Variants in NELFA observed in about 807,000 individuals in gnomAD.
NELFA encodes negative elongation factor A.
Under a neutral mutation model 51.8 loss-of-function variants are expected in NELFA, and 35 were observed. That is an observed-to-expected ratio of 0.68 (90% CI 0.52 to 0.90). NELFA has a LOEUF of 0.90. NELFA is among the 40% of genes least tolerant of loss of function. The pLI is 0.00. For synonymous variants in NELFA, 417 were observed against 338.4 expected (o/e 1.23, Z -2.55); for missense variants, 658 against 746.4 (o/e 0.88, Z 1.38).
At chr4:1,992,534 G>C (rs933991290) in intron 1 of NELFA, 1 of 386,702 alleles carries the variant, frequency 2.6e-6, no homozygotes, top group Non-Finnish European at 5.3e-6. Flanking sequence ...CTCACAGTGT[G>C]AGACAGCTGG....
At position 2,008,800 on chromosome 4, in the gene NELFA, G is replaced by C. The variant is rs1728785213; in HGVS notation, c.160C>G (p.Leu54Val). The C allele has an allele frequency of 1.2e-6, 2 of 1,612,854 alleles. No homozygotes were observed. The highest frequency in any genetic ancestry group is 1.7e-6 in the Non-Finnish European group (2 of 1,179,632). The change falls in exon 1 of 11, where the codon CTC (leucine) becomes GTC (valine). Residue 54 changes from leucine (L) to valine (V), a missense_variant. By Grantham distance (32) the Leu-to-Val change is conservative. This residue lies in a region of NELFA where 371 missense variants were observed against 448.3 expected (regional missense o/e 0.83). Transcript: ENST00000382882. ...TGCAGCGTCCCGAGTAGCAACTTGAGCTTCACTGCCGACGAGAGGCCATGG... is the reference window on the plus strand; with the variant it reads ...TGCAGCGTCCCGAGTAGCAACTTGACCTTCACTGCCGACGAGAGGCCATGG... ...CFHGLSSAVKLKLLLGTLHLP... is the reference protein window; with the variant it reads ...CFHGLSSAVKVKLLLGTLHLP...
In NELFA at chr4:1,986,421, C is replaced by A; in HGVS notation, c.635-19G>T. 1 of 1,612,578 alleles carries A rather than the reference C, an allele frequency of 6.2e-7. No homozygotes were observed. Among genetic ancestry groups the A allele is most frequent in the Non-Finnish European group, 8.5e-7 (1 of 1,179,668 alleles). ...AGTGGGGCTGGAGGACGGCAACAGT[C>A]AGGGCGCCAGCAGCAGTGACCGGCA... On this transcript the variant is annotated intron_variant, in intron 4 of 10. Transcript: ENST00000382882.
chr4:1,991,889 C>T, intron 1 of NELFA, 174 bp from the exon 2 acceptor site: 1 of 638,564 alleles, frequency 1.6e-6, no homozygotes, highest in Non-Finnish European at 2.6e-6. Context: ...CCAGGGCCAC[C>T]TTGCTTCCCT....
At chr4:2,008,705 G>A in intron 1 of NELFA, 45 bp downstream of exon 1, 2 of 1,565,366 alleles carry the variant, frequency 1.3e-6, no homozygotes, top group South Asian at 1.2e-5. Flanking sequence ...TCGGAGGTGG[G>A]AAGGTTGGGA....
intron 1 of NELFA, among the ~76,000 whole-genome samples, chr4:2,002,186 C>T (rs928335176): frequency 2.0e-5 from 3 of 151,634 alleles, no homozygotes; most frequent in African/African-American, 7.3e-5. Context: ...GGCGACAAAG[C>T]GAGACTCCAT....
At chr4:1,986,614 A>C in intron 4 of NELFA, 2 of 644,110 alleles carry the variant, frequency 3.1e-6, no homozygotes, top group Non-Finnish European at 2.6e-6. Context: ...AAGACACCAA[A>C]CAAAGACAGC....
chr4:1,995,905 G>A (rs1224116899), intron 1 of NELFA, among the ~76,000 whole-genome samples: 1 of 147,724 alleles, frequency 6.8e-6, no homozygotes, highest in Non-Finnish European at 1.5e-5. Flanking sequence ...AAACCAAGCT[G>A]CACGTGCCTG....
chr4:1,990,634 T>C, intron 2 of NELFA: 1 of 404,596 alleles, frequency 2.5e-6, no homozygotes, highest in South Asian at 1.8e-5. Context: ...GCAGCCTCGA[T>C]GTCTCCATCC....
chr4:1,990,127 C>A, intron 2 of NELFA: 1 of 525,636 alleles, frequency 1.9e-6, no homozygotes, highest in Non-Finnish European at 3.4e-6. Context: ...ACCGCGGACA[C>A]CAAGAACCAC....
Position 1,982,902 on chromosome 4 carries a change from G to A in NELFA, c.*417C>T, listed in dbSNP as rs915314791. On this transcript the variant is annotated 3_prime_UTR_variant, in exon 11 of 11. Transcript: ENST00000382882. ...TCTGGTGTGGTCGGGTGTCCCTGCC[G>A]CACCCCCAGTACCACCGTGCCACCT... is the stretch of plus-strand genomic sequence containing the variant. 2.5e-5 allele frequency: 4 copies of A among 160,684 alleles called. No homozygotes were observed. The highest frequency in any genetic ancestry group is 4.1e-5 in the Non-Finnish European group (3 of 73,900). The allele number at this position is 160,684 out of a possible 1,614,324, so 10.0% of individuals were successfully genotyped here.
intron 1 of NELFA, among the ~76,000 whole-genome samples, chr4:2,001,961 G>A (rs1244686297): frequency 6.6e-6 from 1 of 151,352 alleles, no homozygotes; most frequent in Non-Finnish European, 1.5e-5. Context: ...AGCACTTTGG[G>A]AGGCCGAGGC....
Position 1,987,990 on chromosome 4 carries a change from G to A in NELFA, c.562C>T (p.Gln188Ter). ...LLQKSTETAQ[Q>*]LKRSAGVPFH... is the part of the protein sequence containing the mutation. ...GGCACCCCGGCGCTCCGCTTCAACTGCTGGGCGGTCTCCGTGGCTGGAAGG... is the reference window on the plus strand; with the variant it reads ...GGCACCCCGGCGCTCCGCTTCAACTACTGGGCGGTCTCCGTGGCTGGAAGG... Residue 188 changes from glutamine (Q) to a stop codon, truncating the protein, a stop_gained, in exon 4 of 11, where the codon CAG (glutamine) becomes TAG (stop). Transcript: ENST00000382882. LOFTEE classifies it high-confidence loss of function. 1 of 1,610,898 alleles carries A rather than the reference G, an allele frequency of 6.2e-7. No homozygotes were observed. Among genetic ancestry groups the A allele is most frequent in the Non-Finnish European group, 8.5e-7 (1 of 1,179,734 alleles).
intron 10 of NELFA, 28 bp downstream of exon 10, chr4:1,983,568 A>G (rs985413948): frequency 1.9e-6 from 3 of 1,611,830 alleles, no homozygotes; most frequent in Non-Finnish European, 2.5e-6. Context: ...GGCCCGGTGC[A>G]CCCCCAGGCC....
intron 4 of NELFA, among the ~76,000 whole-genome samples, chr4:1,987,091 C>T (rs918941485): frequency 6.6e-6 from 1 of 152,126 alleles, no homozygotes. Flanking sequence ...GACGGCCCCC[C>T]ACACAGCGAC....
chr4:1,992,450 AC>A, intron 1 of NELFA: 1 of 432,580 alleles, frequency 2.3e-6, no homozygotes, highest in Non-Finnish European at 4.6e-6. Flanking sequence ...GGCCACATAA[AC>A]CCCCTCCCAC....
At chr4:2,005,479 G>A (rs1423969144) in intron 1 of NELFA, among the ~76,000 whole-genome samples, 1 of 152,100 alleles carries the variant, frequency 6.6e-6, no homozygotes, top group African/African-American at 2.4e-5. Flanking sequence ...CTCACCTGAG[G>A]TCAGGAGTTC....
At chr4:2,000,944 C>A (rs1485730209) in intron 1 of NELFA, among the ~76,000 whole-genome samples, 1 of 152,184 alleles carries the variant, frequency 6.6e-6, no homozygotes, top group Non-Finnish European at 1.5e-5. Flanking sequence ...AGCTTATCCA[C>A]CACGATCAAG....
chr4:1,991,828 C>T, intron 1 of NELFA, 113 bp from the exon 2 acceptor site: 2 of 1,095,430 alleles, frequency 1.8e-6, no homozygotes, highest in Non-Finnish European at 2.6e-6. Context: ...GGCAGTTGCC[C>T]CCAACACTTC....
At position 1,987,979 on chromosome 4, in the gene NELFA, C is replaced by G; in HGVS notation, c.573G>C (p.Arg191=). The G allele has an allele frequency of 6.2e-7, 1 of 1,611,302 alleles. No individual in the cohort carries two copies. Among genetic ancestry groups the G allele is most frequent in the East Asian group, 2.2e-5 (1 of 44,864 alleles). The change falls in exon 4 of 11, where the codon CGG becomes CGC. Residue 191 remains arginine, a synonymous_variant. Coordinates refer to ENST00000382882, the MANE Select transcript of NELFA (RefSeq NM_005663.5). ...TGGCGTGGAAGGGCACCCCGGCGCT[C>G]CGCTTCAACTGCTGGGCGGTCTCCG... ...KSTETAQQLK[R]SAGVPFHAKG...
Sources: allele counts gnomAD v4.1 joint callset (sites outside exome capture counted in the v4.1 genomes callset), GRCh38; gene constraint gnomAD v4.1.1; regional missense constraint gnomAD v4.1.1; transcripts MANE v1.5; gene names NCBI Gene and HGNC (gene_info 2026-07-23, HGNC 2026-07-21).